The following KCNH8 variants were observed in gnomAD, a reference collection of about 807,000 sequenced individuals.
KCNH8 encodes the protein potassium voltage-gated channel subfamily H member 8, also known as voltage-gated delayed rectifier potassium channel KCNH8.
A neutral mutation model predicts 103.6 loss-of-function variants in KCNH8; 70 were observed. The ratio of observed to expected loss-of-function variants is 0.68; its 90% CI spans 0.56 to 0.82. The LOEUF is 0.82. Among genes scored for constraint, KCNH8 ranks in the 40% least tolerant of loss-of-function variants. The pLI is 0.00. For missense variants in KCNH8, 1,217 were observed against 1,329.9 expected, an observed-to-expected ratio of 0.92 and a Z score of 1.32; for synonymous variants, 498 against 489.4, an observed-to-expected ratio of 1.02 and a Z score of -0.23.
intron 1 of KCNH8, among the ~76,000 whole-genome samples, chr3:19,222,255 A>G (rs2063883973): frequency 6.6e-6 from 1 of 152,214 alleles, no homozygotes; most frequent in African/African-American, 2.4e-5. Flanking sequence ...TGCCTTCTAC[A>G]TGGGGCTATG....
At chr3:19,388,084 T>C (rs2066383585) in intron 5 of KCNH8, among the ~76,000 whole-genome samples, 1 of 152,132 alleles carries the variant, frequency 6.6e-6, no homozygotes, top group East Asian at 1.9e-4. Context: ...TGCTGGAATG[T>C]ATATGGATGA....
chr3:19,432,832 T>C (rs1575061595), intron 7 of KCNH8, among the ~76,000 whole-genome samples: 1 of 152,236 alleles, frequency 6.6e-6, no homozygotes. Flanking sequence ...CTAATCTTTG[T>C]TATGCTTTTT....
intron 3 of KCNH8, among the ~76,000 whole-genome samples, chr3:19,288,992 A>T (rs1384439209): frequency 2.0e-5 from 3 of 152,014 alleles, no homozygotes; most frequent in Non-Finnish European, 4.4e-5. Context: ...GATGATGAGC[A>T]TTTTTTCACG....
chr3:19,365,393 C>T (rs549635512), intron 5 of KCNH8, among the ~76,000 whole-genome samples: 69 of 152,016 alleles, frequency 4.5e-4, no homozygotes, highest in Non-Finnish European at 7.5e-4. Flanking sequence ...TATTTTTTCT[C>T]ATAACATTTT....
chr3:19,476,350 G>A (rs894991812), intron 11 of KCNH8, among the ~76,000 whole-genome samples: 2 of 152,078 alleles, frequency 1.3e-5, no homozygotes, highest in African/African-American at 4.8e-5. Flanking sequence ...TCGCATTAAC[G>A]CTAAAGTGCC....
chr3:19,294,923 C>T (rs562573814), intron 3 of KCNH8, among the ~76,000 whole-genome samples: 2 of 152,110 alleles, frequency 1.3e-5, no homozygotes, highest in Admixed American at 1.3e-4. Context: ...TTGTGATCCT[C>T]GGACAAAACT....
intron 9 of KCNH8, chr3:19,450,893 A>G (rs1261634493): frequency 2.4e-6 from 1 of 423,778 alleles, no homozygotes; most frequent in African/African-American, 2.0e-5. Context: ...GGAAGTCACA[A>G]TGAGTTATAT....
intron 7 of KCNH8, among the ~76,000 whole-genome samples, chr3:19,424,957 C>T (rs1478408048): frequency 6.6e-6 from 1 of 152,084 alleles, no homozygotes; most frequent in African/African-American, 2.4e-5. Flanking sequence ...CAAAACCCAT[C>T]CCCACGTCAT....
At chr3:19,511,628 C>G (rs2068784290) in intron 12 of KCNH8, among the ~76,000 whole-genome samples, 1 of 151,998 alleles carries the variant, frequency 6.6e-6, no homozygotes, top group African/African-American at 2.4e-5. Flanking sequence ...GTTAAAAACA[C>G]AGAGTTTTAA....
chr3:19,151,465 TAGAG>T, intron 1 of KCNH8, among the ~76,000 whole-genome samples: 1 of 152,024 alleles, frequency 6.6e-6, no homozygotes. Context: ...AAAAAAAAAT[TAGAG>T]AGCAAACAAC....
chr3:19,408,357 G>GA (rs1018040813), intron 7 of KCNH8, among the ~76,000 whole-genome samples: 4 of 151,880 alleles, frequency 2.6e-5, no homozygotes, highest in Admixed American at 1.3e-4. Context: ...GAAAGAAAAA[G>GA]AAAAAATCCT....
At chr3:19,183,401 G>A (rs2063474659) in intron 1 of KCNH8, among the ~76,000 whole-genome samples, 1 of 151,950 alleles carries the variant, frequency 6.6e-6, no homozygotes, top group African/African-American at 2.4e-5. Context: ...ATAGTAAGTA[G>A]GTAAGAAGGT....
At chr3:19,429,474 G>A (rs1489024955) in intron 7 of KCNH8, among the ~76,000 whole-genome samples, 28 of 151,954 alleles carry the variant, frequency 1.8e-4, no homozygotes, top group Non-Finnish European at 8.8e-5. Context: ...GCGCCCGGCC[G>A]GAATCCACTC....
At chr3:19,208,022 T>G (rs541890842) in intron 1 of KCNH8, among the ~76,000 whole-genome samples, 3 of 152,036 alleles carry the variant, frequency 2.0e-5, no homozygotes, top group African/African-American at 7.2e-5. Context: ...TTCTAAGAAT[T>G]ATTAAAATAA....
intron 3 of KCNH8, among the ~76,000 whole-genome samples, chr3:19,297,431 T>A (rs2065010705): frequency 6.6e-6 from 1 of 152,194 alleles, no homozygotes; most frequent in Non-Finnish European, 1.5e-5. Flanking sequence ...TTTGTTTACA[T>A]AAATTATAGG....
chr3:19,401,220 C>T (rs1185705870), intron 7 of KCNH8, among the ~76,000 whole-genome samples: 2 of 151,918 alleles, frequency 1.3e-5, no homozygotes, highest in Non-Finnish European at 2.9e-5. Context: ...TGTCACTGGT[C>T]CTGCACACCG....
Position 19,234,195 on chromosome 3 carries a change from C to T in KCNH8, c.77-19459C>T, listed in dbSNP as rs890772677. On this transcript the variant is annotated intron_variant, in intron 1 of 15. Coordinates refer to ENST00000328405, the MANE Select transcript of KCNH8 (RefSeq NM_144633.3). The stretch of plus-strand genomic sequence containing the variant: ...GACACAAAGGTTCTCCACGTCCCTA[C>T]CAGACTCAGGAGCCCAGCTGGCTTC... 8.0e-4 allele frequency among the ~76,000 whole-genome samples: 122 copies of T among 152,354 alleles called. 1 individual carries two copies. The highest frequency in any genetic ancestry group is 2.7e-3 in the African/African-American group (114 of 41,590).
At chr3:19,334,287 A>G (rs1192952376) in intron 3 of KCNH8, among the ~76,000 whole-genome samples, 33 of 152,260 alleles carry the variant, frequency 2.2e-4, no homozygotes, top group Non-Finnish European at 5.9e-5. Context: ...TGGCCAGTGT[A>G]GCATAACATG....
intron 5 of KCNH8, among the ~76,000 whole-genome samples, chr3:19,389,362 T>G (rs1032680160): frequency 6.6e-6 from 1 of 152,122 alleles, no homozygotes; most frequent in African/African-American, 2.4e-5. Flanking sequence ...TGATCAGCAC[T>G]CAGGAGGACC....
Sources: allele counts gnomAD v4.1 joint callset (sites outside exome capture counted in the v4.1 genomes callset), GRCh38; gene constraint gnomAD v4.1.1; transcripts MANE v1.5; gene names NCBI Gene and HGNC (gene_info 2026-07-23, HGNC 2026-07-21).